VAV2: variants seen among roughly 807,000 people sequenced by gnomAD.
VAV2 encodes guanine nucleotide exchange factor VAV2.
A neutral mutation model predicts 132.5 loss-of-function variants in VAV2; 67 were observed. The ratio of observed to expected loss-of-function variants is 0.51; its 90% CI spans 0.42 to 0.62. The LOEUF is 0.62. VAV2 is among the 20% of genes least tolerant of loss of function. The pLI, the probability that VAV2 is intolerant of heterozygous loss-of-function variation, is 0.00. For missense variants in VAV2, 938 were observed against 1,153.6 expected, an observed-to-expected ratio of 0.81 and a Z score of 2.71; for synonymous variants, 492 against 443.5, an observed-to-expected ratio of 1.11 and a Z score of -1.37.
At chr9:133,977,334 G>A (rs573045704) in intron 1 of VAV2, among the ~76,000 whole-genome samples, 10 of 152,256 alleles carry the variant, frequency 6.6e-5, no homozygotes, top group East Asian at 5.8e-4. Context: ...TCTCTCTCCC[G>A]TCCCAGCAGA....
intron 23 of VAV2, among the ~76,000 whole-genome samples, 168 bp downstream of exon 23, chr9:133,777,221 C>T (rs747486276): frequency 7.9e-5 from 12 of 152,236 alleles, no homozygotes; most frequent in Middle Eastern, 3.4e-3. Flanking sequence ...CCCACAGCCC[C>T]CCACCCATCT....
At chr9:133,898,112 G>C (rs571827667) in intron 2 of VAV2, among the ~76,000 whole-genome samples, 1 of 149,886 alleles carries the variant, frequency 6.7e-6, no homozygotes, top group Non-Finnish European at 1.5e-5. Flanking sequence ...TACTGCATCC[G>C]GGTACCCTGA....
intron 3 of VAV2, among the ~76,000 whole-genome samples, chr9:133,837,230 A>G (rs1836505286): frequency 6.6e-6 from 1 of 152,222 alleles, no homozygotes; most frequent in Non-Finnish European, 1.5e-5. Context: ...GGCAGCTGCG[A>G]TTTAGTATTT....
intron 2 of VAV2, among the ~76,000 whole-genome samples, chr9:133,891,675 GAAGAGGAGGAATGGAA>G (rs1838965106): frequency 2.0e-4 from 1 of 4,894 alleles, no homozygotes; most frequent in Non-Finnish European, 4.5e-4. Flanking sequence ...CGGGAGGGAT[GAAGAGGAGGAATGGAA>G]GGGGAGGGAT....
intron 13 of VAV2, among the ~76,000 whole-genome samples, chr9:133,791,243 T>C (rs2131619275): frequency 6.6e-6 from 1 of 152,270 alleles, no homozygotes; most frequent in African/African-American, 2.4e-5. Context: ...AGCCCAAGCC[T>C]GGCCTCTGCA....
rs1474814044 is a variant in VAV2, at chr9:133,778,871, A to G, written c.1781T>C (p.Met594Thr). 1 of 1,612,736 alleles carries G rather than the reference A, an allele frequency of 6.2e-7. No homozygotes were observed. The highest frequency in any genetic ancestry group is 8.5e-7 in the Non-Finnish European group (1 of 1,179,838). Residue 594 changes from methionine to threonine, a missense_variant, in exon 22 of 30, where the codon ATG becomes ACG. Coordinates refer to ENST00000371850, the MANE Select transcript of VAV2 (RefSeq NM_001134398.2). ...GGCTGGGTTGCCATGGTAATTCTGC[A>G]TGGCCACCATCTTGGGACCTGCAAA... ...GAGPGPKMVA[M>T]QNYHGNPAPP...
At chr9:133,811,009 G>A (rs1835337876) in intron 5 of VAV2, among the ~76,000 whole-genome samples, 1 of 152,226 alleles carries the variant, frequency 6.6e-6, no homozygotes, top group African/African-American at 2.4e-5. Flanking sequence ...CCAGCTCCGG[G>A]GAGGCGAGGG....
intron 4 of VAV2, 141 bp from the exon 5 acceptor site, chr9:133,812,357 T>G: frequency 1.3e-6 from 1 of 746,826 alleles, no homozygotes; most frequent in Non-Finnish European, 2.3e-6. Flanking sequence ...GTCTACAAAG[T>G]GGGGTGGGCC....
intron 2 of VAV2, among the ~76,000 whole-genome samples, chr9:133,931,646 G>A (rs1029118260): frequency 6.6e-6 from 1 of 152,198 alleles, no homozygotes; most frequent in Admixed American, 6.5e-5. Flanking sequence ...TCCTCATCAC[G>A]CTCTGCTCAC....
At chr9:133,923,330 T>G (rs1840362020) in intron 2 of VAV2, among the ~76,000 whole-genome samples, 1 of 152,062 alleles carries the variant, frequency 6.6e-6, no homozygotes, top group African/African-American at 2.4e-5. Context: ...ATCCACCAAT[T>G]CCACTTCTGG....
At position 133,804,320 on chromosome 9, in the gene VAV2, C is replaced by T. The variant is rs772725628; in HGVS notation, c.836+1761G>A. Among the ~76,000 whole-genome samples, 3 of 152,260 alleles carry T rather than the reference C, an allele frequency of 2.0e-5. No individual in the cohort carries two copies. Among genetic ancestry groups the T allele is most frequent in the African/African-American group, 4.8e-5 (2 of 41,472 alleles). On this transcript the variant is annotated intron_variant, in intron 9 of 29. Coordinates refer to ENST00000371850, the MANE Select transcript of VAV2 (RefSeq NM_001134398.2). This position sits in a 1 kb window ranked among gnomAD's most constrained non-coding sequence, Gnocchi z 4.5. ...ACCCCGACTGACGGATCTCGCCACA[C>T]GCCTCGCTGCCAGGGACGGAGCTGC...
At position 133,827,444 on chromosome 9, in the gene VAV2, G is replaced by GAGCAC. The variant is rs1564384510; in HGVS notation, c.449+6827_449+6828insGTGCT. 9.9e-4 allele frequency among the ~76,000 whole-genome samples: 2 copies of GAGCAC among 2,014 alleles called. 1 individual carries two copies. Among genetic ancestry groups the GAGCAC allele is most frequent in the Non-Finnish European group, 1.6e-3 (2 of 1,278 alleles). The allele number at this position is 2,014 out of a possible 152,430, so 1.3% of individuals were successfully genotyped here. On this transcript the variant is annotated intron_variant, in intron 4 of 29. Transcript: ENST00000371850. ...GCCCACTGAGGCTGACCACTGAGTG[G>GAGCAC]GGGCATCACCACCTACCGCTGCGCC...
chr9:133,846,278 C>T (rs568354889), intron 3 of VAV2, among the ~76,000 whole-genome samples: 2 of 152,218 alleles, frequency 1.3e-5, no homozygotes, highest in Non-Finnish European at 2.9e-5. Context: ...ACTGACCACA[C>T]CAAAGGGCCT....
Position 133,770,418 on chromosome 9 carries a change from G to A in VAV2, c.2307C>T (p.Ser769=). 3 of 1,614,168 alleles carry A rather than the reference G, an allele frequency of 1.9e-6. No homozygotes were observed. Among genetic ancestry groups the A allele is most frequent in the Non-Finnish European group, 2.5e-6 (3 of 1,180,000 alleles). The part of the protein sequence containing the change: ...LDTTLKYPYK[S]RERSASRASS... ...AGGCCCTGGAGGCCGAACGTTCCCG[G>A]GACTTGTAGGGGTACTTGAGTGTGG... The change falls in exon 27 of 30, where the codon TCC becomes TCT. Residue 769 remains serine, a synonymous_variant. Transcript: ENST00000371850.
chr9:133,954,210 T>C lies in VAV2; in HGVS notation c.205-14991A>G, dbSNP rs572981554. Among the ~76,000 whole-genome samples, 7 of 152,306 alleles carry C rather than the reference T, an allele frequency of 4.6e-5. No individual in the cohort carries two copies. In the South Asian group the frequency reaches 8.3e-4, roughly 18 times the overall value. On this transcript the variant is annotated intron_variant, in intron 1 of 29. Transcript: ENST00000371850. ...TGATGTTCTGTTACCATCCCAGTCA[T>C]TTCCAGGGATTTCTGAGAAGCGGCA...
intron 2 of VAV2, among the ~76,000 whole-genome samples, chr9:133,891,805 G>T (rs1028728388): frequency 1.6e-4 from 2 of 12,654 alleles, no homozygotes; most frequent in Non-Finnish European, 2.6e-4. Context: ...AGGGGAGGGA[G>T]GGAGAGGGAT....
intron 2 of VAV2, among the ~76,000 whole-genome samples, chr9:133,868,967 C>T (rs937810175): frequency 4.0e-5 from 6 of 151,504 alleles, no homozygotes; most frequent in Admixed American, 2.6e-4. Flanking sequence ...AGACCAGCCT[C>T]GGCAATATGG....
At chr9:133,808,355 T>A (rs1835233631) in intron 7 of VAV2, among the ~76,000 whole-genome samples, 1 of 152,200 alleles carries the variant, frequency 6.6e-6, no homozygotes, top group Non-Finnish European at 1.5e-5. Context: ...GCTGGAGGCA[T>A]CACGGCCACC....
chr9:133,925,781 C>T (rs955350305), intron 2 of VAV2: 4 of 152,184 alleles, frequency 2.6e-5, no homozygotes, highest in African/African-American at 9.7e-5. Flanking sequence ...AAAACCAGTA[C>T]TCCTGGAGAA....
Sources: allele counts gnomAD v4.1 joint callset (sites outside exome capture counted in the v4.1 genomes callset), GRCh38; gene constraint gnomAD v4.1.1; non-coding constraint Gnocchi (gnomAD v3.1); transcripts MANE v1.5; gene names NCBI Gene and HGNC (gene_info 2026-07-23, HGNC 2026-07-21).